Variants in CSRNP3 observed in about 807,000 individuals in gnomAD.
CSRNP3 encodes cysteine and serine rich nuclear protein 3.
In CSRNP3, 12 loss-of-function variants were observed where a neutral mutation model predicts 48.0. That is an observed-to-expected ratio of 0.25 (90% CI 0.16 to 0.41). CSRNP3 has a LOEUF of 0.41. Ranked by LOEUF, CSRNP3 falls within the 10% of genes least tolerant of loss-of-function variation. CSRNP3 has a pLI of 1.00. For missense variants in CSRNP3, 580 were observed against 724.4 expected (o/e 0.80, Z 2.29); for synonymous variants, 263 against 269.7 (o/e 0.98, Z 0.24).
intron 3 of CSRNP3, among the ~76,000 whole-genome samples, chr2:165,551,526 C>T (rs145007171): frequency 7.8e-4 from 118 of 152,176 alleles, no homozygotes; most frequent in Middle Eastern, 3.4e-3. Context: ...TATGTGTATC[C>T]AGTAACAGCA....
chr2:165,540,912 A>T (rs979101078), intron 3 of CSRNP3, among the ~76,000 whole-genome samples: 5 of 152,096 alleles, frequency 3.3e-5, no homozygotes, highest in Non-Finnish European at 7.4e-5. Context: ...GCATCTAGAA[A>T]TAACTTCCCA....
At chr2:165,552,367 A>T (rs1281492153) in intron 3 of CSRNP3, among the ~76,000 whole-genome samples, 1 of 152,220 alleles carries the variant, frequency 6.6e-6, no homozygotes, top group South Asian at 2.1e-4. Context: ...AAAACCGATC[A>T]TGCTTTCCAG....
At chr2:165,621,291 CTTTTT>C (rs60553994) in intron 4 of CSRNP3, among the ~76,000 whole-genome samples, 1 of 134,430 alleles carries the variant, frequency 7.4e-6, no homozygotes, top group Non-Finnish European at 1.6e-5. Context: ...TCCTTCAGTC[CTTTTT>C]TTTTTTTTTT....
At chr2:165,574,382 A>C (rs577034027) in intron 3 of CSRNP3, 90 of 1,550,278 alleles carry the variant, frequency 5.8e-5, no homozygotes, top group Admixed American at 2.2e-4. Flanking sequence ...TATTTCTGAG[A>C]GTGAAGATTT....
At chr2:165,505,909 G>A (rs187438788) in intron 2 of CSRNP3, among the ~76,000 whole-genome samples, 81 of 152,186 alleles carry the variant, frequency 5.3e-4, no homozygotes, top group African/African-American at 1.7e-3. Context: ...GGTTATATTA[G>A]TCAAGACTTT....
intron 4 of CSRNP3, among the ~76,000 whole-genome samples, chr2:165,642,769 C>T (rs1573939064): frequency 6.6e-6 from 1 of 152,222 alleles, no homozygotes; most frequent in Admixed American, 6.5e-5. Flanking sequence ...GCCATGCTGG[C>T]CAGGCTGGTC....
intron 4 of CSRNP3, among the ~76,000 whole-genome samples, chr2:165,607,555 A>G (rs978217395): frequency 1.3e-5 from 2 of 152,206 alleles, no homozygotes; most frequent in African/African-American, 4.8e-5. Flanking sequence ...TAAATACACT[A>G]TCACTGTCAC....
chr2:165,615,572 T>C (rs1464934289), intron 4 of CSRNP3, among the ~76,000 whole-genome samples: 2 of 151,968 alleles, frequency 1.3e-5, no homozygotes, highest in Non-Finnish European at 2.9e-5. Flanking sequence ...AAAAGAATTG[T>C]TATATCCTCT....
At chr2:165,610,819 C>A (rs1375859477) in intron 4 of CSRNP3, among the ~76,000 whole-genome samples, 1 of 152,102 alleles carries the variant, frequency 6.6e-6, no homozygotes, top group Non-Finnish European at 1.5e-5. Context: ...CAACCCTTTG[C>A]AGAACTCTCT....
intron 2 of CSRNP3, among the ~76,000 whole-genome samples, chr2:165,500,189 G>A (rs1017860571): frequency 1.3e-5 from 2 of 151,506 alleles, no homozygotes; most frequent in Admixed American, 1.3e-4. Flanking sequence ...TCTGTGGTGG[G>A]TCCCATTAAT....
At chr2:165,543,890 A>G (rs1684989559) in intron 3 of CSRNP3, among the ~76,000 whole-genome samples, 1 of 152,098 alleles carries the variant, frequency 6.6e-6, no homozygotes, top group African/African-American at 2.4e-5. Context: ...AGGGCCTTGA[A>G]CACATCAATA....
rs141060436 is a variant in CSRNP3 at position 165,572,788 on chromosome 2, T to A, written c.-23-22255T>A. Among the ~76,000 whole-genome samples, 471 of 152,324 alleles carry A rather than the reference T, an allele frequency of 3.1e-3. 4 individuals are homozygous for A. The highest frequency in any genetic ancestry group is 0.011 in the African/African-American group (449 of 41,576). On this transcript the variant is annotated intron_variant, in intron 3 of 6. Coordinates refer to ENST00000651982, the MANE Select transcript of CSRNP3 (RefSeq NM_001172173.2). The stretch of plus-strand genomic sequence containing the variant: ...ACAGAGAAATGTTGATATCATTATA[T>A]TAAACTGAAAAGTTATTTAGTCTAT...
chr2:165,629,302 T>C (rs957456759), intron 4 of CSRNP3, among the ~76,000 whole-genome samples: 1 of 152,216 alleles, frequency 6.6e-6, no homozygotes, highest in Non-Finnish European at 1.5e-5. Context: ...TGCGTACAGA[T>C]AGAGGACAAG....
intron 4 of CSRNP3, among the ~76,000 whole-genome samples, chr2:165,596,743 AAT>A (rs869283887): frequency 2.2e-5 from 1 of 44,792 alleles, no homozygotes; most frequent in African/African-American, 7.9e-5. Context: ...TAGTAGTGAT[AAT>A]AACATCATTA....
At chr2:165,541,378 G>A (rs908786662) in intron 3 of CSRNP3, among the ~76,000 whole-genome samples, 1 of 151,918 alleles carries the variant, frequency 6.6e-6, no homozygotes, top group African/African-American at 2.4e-5. Context: ...CTGTCCCTCA[G>A]TGGCTCCTGA....
At chr2:165,591,308 C>T (rs1685713502) in intron 3 of CSRNP3, among the ~76,000 whole-genome samples, 1 of 152,116 alleles carries the variant, frequency 6.6e-6, no homozygotes, top group Admixed American at 6.5e-5. Context: ...GAAGAAATTT[C>T]TGAGTGGCAA....
intron 3 of CSRNP3, among the ~76,000 whole-genome samples, chr2:165,520,790 T>TATATATATATTATATAC (rs1684645928): frequency 6.2e-5 from 1 of 16,172 alleles, no homozygotes; most frequent in African/African-American, 4.2e-4. Flanking sequence ...ATATTATATA[T>TATATATATATTATATAC]ATATATATAT....
At chr2:165,513,862 C>T (rs1236296753) in intron 2 of CSRNP3, among the ~76,000 whole-genome samples, 3 of 152,210 alleles carry the variant, frequency 2.0e-5, no homozygotes, top group Admixed American at 2.0e-4. Flanking sequence ...AGGAGGTTGT[C>T]TTTACTTTCC....
chr2:165,598,491 T>TTGC (rs1291231843), intron 4 of CSRNP3, among the ~76,000 whole-genome samples: 1 of 152,230 alleles, frequency 6.6e-6, no homozygotes, highest in Admixed American at 6.5e-5. Context: ...GGTGTCCAAC[T>TTGC]TAAACTGCTA....
Sources: gnomAD v4.1 joint callset for allele counts (sites outside exome capture counted in the v4.1 genomes callset) on GRCh38, gnomAD v4.1.1 for gene constraint, MANE v1.5 for transcripts, NCBI Gene and HGNC (gene_info 2026-07-23, HGNC 2026-07-21) for gene names.